Variants in KIF21B observed in about 807,000 individuals in gnomAD.
KIF21B encodes kinesin-like protein KIF21B.
In KIF21B, 85 loss-of-function variants were observed where a neutral mutation model predicts 192.9. The ratio of observed to expected loss-of-function variants is 0.44; its 90% CI spans 0.37 to 0.53. KIF21B has a LOEUF of 0.53. Ranked by LOEUF, KIF21B falls within the 20% of genes least tolerant of loss-of-function variation. KIF21B has a pLI of 0.00. For synonymous variants in KIF21B, 832 were observed against 884.6 expected, an observed-to-expected ratio of 0.94 and a Z score of 1.05; for missense variants, 1,716 against 2,194.8, an observed-to-expected ratio of 0.78 and a Z score of 4.36.
intron 14 of KIF21B, 115 bp from the exon 15 acceptor site, chr1:200,996,510 G>T: frequency 2.2e-6 from 2 of 911,716 alleles, no homozygotes; most frequent in East Asian, 2.5e-5. Flanking sequence ...GTATGACCTT[G>T]GGCAAGTCAC....
intron 15 of KIF21B, among the ~76,000 whole-genome samples, chr1:200,994,340 C>T (rs1182441968): frequency 6.6e-6 from 1 of 152,212 alleles, no homozygotes; most frequent in Non-Finnish European, 1.5e-5. Flanking sequence ...GGCCCTGTAG[C>T]TGAACAGCCA....
At chr1:200,989,061 G>C in intron 21 of KIF21B, 130 bp from the exon 22 acceptor site, 1 of 947,798 alleles carries the variant, frequency 1.1e-6, no homozygotes, top group African/African-American at 1.7e-5. Context: ...CTTGTACCTG[G>C]CACAGACCTG....
chr1:200,978,484 AC>A (rs1192373142), intron 30 of KIF21B, among the ~76,000 whole-genome samples: 1 of 139,618 alleles, frequency 7.2e-6, no homozygotes, highest in Admixed American at 7.2e-5. Context: ...CATTATCAAC[AC>A]CCCCCACCAG....
intron 15 of KIF21B, among the ~76,000 whole-genome samples, chr1:200,993,323 C>G (rs1656826164): frequency 6.6e-6 from 1 of 152,220 alleles, no homozygotes; most frequent in Admixed American, 6.5e-5. Flanking sequence ...TTCCTCTGGT[C>G]ACCTTGGGCA....
chr1:200,993,020 C>T (rs578111034), intron 15 of KIF21B, among the ~76,000 whole-genome samples: 49 of 152,314 alleles, frequency 3.2e-4, no homozygotes, highest in African/African-American at 1.1e-3. Context: ...CAAATCATCG[C>T]CTCCCAGTCA....
chr1:200,982,980 TGCA>T lies in KIF21B; in HGVS notation c.3842+73_3842+75del, dbSNP rs1656043511. ...GGACACGGGTGTCAGGCGGGAGGGA[TGCA>T]GCAAGAGACAGAGAAGAGAGGGTGC... On this transcript the variant is annotated intron_variant, in intron 28 of 34. Transcript: ENST00000461742. This position sits in a 1 kb window ranked among gnomAD's most constrained non-coding sequence, Gnocchi z 4.7. 4.4e-6 allele frequency: 6 copies of T among 1,354,520 alleles called. No homozygotes were observed. The highest frequency in any genetic ancestry group is 3.9e-5 in the Admixed American group (2 of 50,688). The allele number at this position is 1,354,520 out of a possible 1,614,324, so 83.9% of individuals were successfully genotyped here.
At chr1:201,014,990 C>T (rs570299348) in intron 1 of KIF21B, among the ~76,000 whole-genome samples, 17 of 152,322 alleles carry the variant, frequency 1.1e-4, no homozygotes, top group Middle Eastern at 3.4e-3. Flanking sequence ...TTAGTCACCA[C>T]CAACACATTT....
intron 1 of KIF21B, among the ~76,000 whole-genome samples, chr1:201,014,031 G>C (rs909779738): frequency 1.3e-5 from 2 of 152,268 alleles, no homozygotes; most frequent in African/African-American, 4.8e-5. Context: ...TCCCAGAACA[G>C]AGCCGGGCCT....
intron 3 of KIF21B, among the ~76,000 whole-genome samples, 198 bp downstream of exon 3, chr1:201,008,571 T>C (rs1658048106): frequency 6.6e-6 from 1 of 152,182 alleles, no homozygotes; most frequent in Non-Finnish European, 1.5e-5. Context: ...CTCCATCTGA[T>C]GCAGGAACCC....
chr1:200,990,946 C>T lies in KIF21B; in HGVS notation c.2658G>A (p.Ala886=), dbSNP rs764347867. ...CAGGACGGGTGCCATTGACAGTGGG[C>T]GCAGGATGGTCCCCCAAGAAGTGGT... The part of the protein sequence containing the change: ...KINHFLGDHP[A]PTVNGTRPAR... The change falls in exon 18 of 35, where the codon GCG becomes GCA. Residue 886 remains alanine (A), a synonymous_variant. Transcript: ENST00000461742. The surrounding 1 kb of genome is among the most constrained non-coding windows in gnomAD (Gnocchi z 5.4). 6.8e-6 allele frequency: 11 copies of T among 1,614,000 alleles called. No homozygotes were observed. The highest frequency in any genetic ancestry group is 2.2e-5 in the East Asian group (1 of 44,894).
intron 26 of KIF21B, among the ~76,000 whole-genome samples, chr1:200,985,915 G>A (rs1452681657): frequency 2.7e-5 from 4 of 147,634 alleles, no homozygotes; most frequent in Admixed American, 6.8e-5. Flanking sequence ...GCGTGATCTC[G>A]GCCCACTGCA....
chr1:200,999,359 G>A lies in KIF21B; in HGVS notation c.1875C>T (p.Pro625=), dbSNP rs750180180. 2.6e-5 allele frequency: 42 copies of A among 1,613,900 alleles called. No individual in the cohort carries two copies. The highest frequency in any genetic ancestry group is 6.7e-5 in the African/African-American group (5 of 74,880). ...EESLVDSDSD[P]EEKEVNFQAD... ...CTCAGGCCCACGCACCCTTCTCCTC[G>A]GGGTCTGAGTCTGAGTCCACCAGGC... The change falls in exon 13 of 35, where the codon CCC becomes CCT. Residue 625 remains proline, a synonymous_variant. Coordinates refer to ENST00000461742, the MANE Select transcript of KIF21B (RefSeq NM_001252102.2). The surrounding 1 kb of genome is among the most constrained non-coding windows in gnomAD (Gnocchi z 4.7).
At chr1:201,012,288 G>A (rs928268410) in intron 1 of KIF21B, among the ~76,000 whole-genome samples, 9 of 152,188 alleles carry the variant, frequency 5.9e-5, no homozygotes, top group Non-Finnish European at 7.3e-5. Flanking sequence ...GGAGACAGGG[G>A]GGCATGGACC....
chr1:201,016,442 C>T (rs763255956), intron 1 of KIF21B, among the ~76,000 whole-genome samples: 2 of 152,118 alleles, frequency 1.3e-5, no homozygotes, highest in Non-Finnish European at 2.9e-5. Context: ...AGAAAGAGGA[C>T]GTCTACACCC....
At chr1:201,001,347 C>T (rs1020536846) in intron 9 of KIF21B, 4 of 153,472 alleles carry the variant, frequency 2.6e-5, no homozygotes, top group African/African-American at 4.8e-5. Flanking sequence ...ATCATTGTCA[C>T]ATATGGGACA....
intron 34 of KIF21B, chr1:200,974,122 T>C (rs1239326742): frequency 1.2e-6 from 2 of 1,607,182 alleles, no homozygotes. Context: ...CGCGGCCCTT[T>C]ATGGCCAGGA....
At chr1:201,018,641 C>T (rs916088003) in intron 1 of KIF21B, among the ~76,000 whole-genome samples, 57 of 152,158 alleles carry the variant, frequency 3.7e-4, no homozygotes, top group African/African-American at 1.3e-3. Context: ...CTGAGAATAC[C>T]CTGGGTTCAA....
At chr1:200,976,648 G>A (rs1163141343) in intron 32 of KIF21B, 128 bp downstream of exon 32, 2 of 551,210 alleles carry the variant, frequency 3.6e-6, no homozygotes, top group Admixed American at 3.3e-5. Flanking sequence ...TGCCTTCTTT[G>A]GGGTGATTTC....
In KIF21B at chr1:201,017,539, C is replaced by T. The variant is rs1353153406; in HGVS notation, c.41+5804G>A. 1.3e-5 allele frequency among the ~76,000 whole-genome samples: 2 copies of T among 152,242 alleles called. No homozygotes were observed. The highest frequency in any genetic ancestry group is 1.5e-5 in the Non-Finnish European group (1 of 68,030). On this transcript the variant is annotated intron_variant, in intron 1 of 34. Transcript: ENST00000461742. This position sits in a 1 kb window ranked among gnomAD's most constrained non-coding sequence, Gnocchi z 4.1. The stretch of plus-strand genomic sequence containing the variant: ...AGACGCTGCAGAGTCAGGCTTCGCC[C>T]AGAGCCCAGAGCTGTGACGGTATTG...
Sources: gnomAD v4.1 joint callset for allele counts (sites outside exome capture counted in the v4.1 genomes callset) on GRCh38, gnomAD v4.1.1 for gene constraint, Gnocchi (gnomAD v3.1) non-coding constraint, MANE v1.5 for transcripts, NCBI Gene and HGNC (gene_info 2026-07-23, HGNC 2026-07-21) for gene names.